Variants in MYO16 observed in about 807,000 individuals in gnomAD.
MYO16 encodes the protein unconventional myosin-XVI.
A neutral mutation model predicts 205.3 loss-of-function variants in MYO16; 94 were observed. That is an observed-to-expected ratio of 0.46 (90% CI 0.39 to 0.54). MYO16 has a LOEUF of 0.54. Ranked by LOEUF, MYO16 falls within the 20% of genes least tolerant of loss-of-function variation. The probability of loss-of-function intolerance (pLI) is 0.00; values close to 1 mark genes in which losing one functional copy is unlikely to be tolerated. For missense variants in MYO16, 2,315 were observed against 2,387.5 expected, an observed-to-expected ratio of 0.97 and a Z score of 0.63; for synonymous variants, 988 against 954.0, an observed-to-expected ratio of 1.04 and a Z score of -0.66.
intron 27 of MYO16, among the ~76,000 whole-genome samples, chr13:109,066,905 T>G (rs1887766139): frequency 6.6e-6 from 1 of 152,176 alleles, no homozygotes. Flanking sequence ...GAAAGGCAAC[T>G]TGGCTGTTTC....
intron 33 of MYO16, among the ~76,000 whole-genome samples, chr13:109,177,001 T>G (rs1432076765): frequency 1.3e-5 from 2 of 152,252 alleles, no homozygotes; most frequent in Non-Finnish European, 2.9e-5. Flanking sequence ...AAGTCTGCAG[T>G]GCTACCTATC....
chr13:109,090,590 G>A (rs544450350), intron 27 of MYO16, among the ~76,000 whole-genome samples: 11 of 152,312 alleles, frequency 7.2e-5, no homozygotes, highest in African/African-American at 2.6e-4. Context: ...GCCCTGCAGT[G>A]TGGGCGTGCG....
At chr13:108,657,501 G>A (rs56093338) in intron 1 of MYO16, among the ~76,000 whole-genome samples, 2 of 152,124 alleles carry the variant, frequency 1.3e-5, no homozygotes, top group African/African-American at 4.8e-5. Context: ...TATATATCTT[G>A]GTTGTAGGAA....
chr13:108,989,553 GT>G (rs1283383168), intron 20 of MYO16, among the ~76,000 whole-genome samples: 3 of 151,970 alleles, frequency 2.0e-5, no homozygotes, highest in African/African-American at 7.2e-5. Context: ...AATTAATTGT[GT>G]TTTTAGTGTG....
At chr13:109,044,803 C>T (rs1050713966) in intron 23 of MYO16, among the ~76,000 whole-genome samples, 1 of 152,122 alleles carries the variant, frequency 6.6e-6, no homozygotes, top group Non-Finnish European at 1.5e-5. Context: ...AATTCTCCTG[C>T]CTCAGCCTCC....
chr13:108,936,580 C>A (rs1409875906), intron 16 of MYO16, among the ~76,000 whole-genome samples: 1 of 152,006 alleles, frequency 6.6e-6, no homozygotes, highest in South Asian at 2.1e-4. Flanking sequence ...CCTTCTTTGT[C>A]CTTTTTTTAC....
At chr13:109,176,726 T>G (rs1181833734) in intron 33 of MYO16, among the ~76,000 whole-genome samples, 1 of 151,426 alleles carries the variant, frequency 6.6e-6, no homozygotes, top group Non-Finnish European at 1.5e-5. Flanking sequence ...AAAATCCCCT[T>G]CCCTCTGACT....
At chr13:109,085,584 G>A (rs973196132) in intron 27 of MYO16, among the ~76,000 whole-genome samples, 3 of 152,168 alleles carry the variant, frequency 2.0e-5, no homozygotes, top group African/African-American at 7.2e-5. Context: ...TAGGTGTGAA[G>A]GTCAAGAAAG....
intron 21 of MYO16, among the ~76,000 whole-genome samples, chr13:109,004,305 T>C (rs1340812901): frequency 1.3e-5 from 2 of 152,210 alleles, no homozygotes; most frequent in East Asian, 3.8e-4. Context: ...AGTGGTTTCA[T>C]TCCATAAGAG....
At chr13:109,165,260 G>A (rs1272801318) in intron 33 of MYO16, among the ~76,000 whole-genome samples, 3 of 152,182 alleles carry the variant, frequency 2.0e-5, no homozygotes, top group Admixed American at 1.3e-4. Flanking sequence ...TTCACTCCTT[G>A]TTGACTTTTC....
At chr13:108,516,335 C>T in the MYO16 span, among the ~76,000 whole-genome samples, 33 of 151,910 alleles carry the variant, frequency 2.2e-4, no homozygotes, top group Non-Finnish European at 4.3e-4. Context: ...TGCTTCGGCT[C>T]GCGCACGGTG....
chr13:108,814,433 T>G (rs1045719164), intron 7 of MYO16, among the ~76,000 whole-genome samples: 5 of 151,970 alleles, frequency 3.3e-5, no homozygotes, highest in African/African-American at 1.2e-4. Context: ...TTCTTTCATT[T>G]TCTTCTTTCC....
chr13:108,744,351 C>A (rs1884996428), intron 4 of MYO16, among the ~76,000 whole-genome samples: 1 of 152,186 alleles, frequency 6.6e-6, no homozygotes, highest in Non-Finnish European at 1.5e-5. Flanking sequence ...CCAAGGATTT[C>A]TCCTTATTCC....
chr13:108,879,016 G>A (rs752200191), intron 12 of MYO16, among the ~76,000 whole-genome samples: 40 of 152,194 alleles, frequency 2.6e-4, no homozygotes, highest in Non-Finnish European at 5.1e-4. Flanking sequence ...TGTAGTTTTG[G>A]TTGAGGTGTA....
intron 20 of MYO16, among the ~76,000 whole-genome samples, chr13:108,989,721 T>C (rs1052128068): frequency 2.6e-5 from 4 of 152,184 alleles, no homozygotes; most frequent in African/African-American, 9.6e-5. Flanking sequence ...TGCAAAGCTT[T>C]ATAACTAAAT....
At chr13:109,044,776 G>A (rs1305428002) in intron 23 of MYO16, among the ~76,000 whole-genome samples, 9 of 152,024 alleles carry the variant, frequency 5.9e-5, no homozygotes, top group Non-Finnish European at 8.8e-5. Flanking sequence ...TGCAGCTTCC[G>A]CCTCCCAGGT....
intron 2 of MYO16, among the ~76,000 whole-genome samples, chr13:108,675,213 A>G (rs1882149114): frequency 1.3e-5 from 2 of 152,226 alleles, no homozygotes; most frequent in Non-Finnish European, 2.9e-5. Flanking sequence ...TTCCAACTCC[A>G]CATACATACC....
the MYO16 span, among the ~76,000 whole-genome samples, chr13:108,504,711 T>G: frequency 1.3e-5 from 2 of 151,764 alleles, no homozygotes; most frequent in African/African-American, 4.8e-5. Context: ...AATTTTTGTA[T>G]TTTTAGTAGA....
At chr13:108,659,924 G>A (rs539035562) in intron 1 of MYO16, among the ~76,000 whole-genome samples, 79 of 152,168 alleles carry the variant, frequency 5.2e-4, no homozygotes, top group African/African-American at 1.5e-3. Flanking sequence ...TATAATGTAC[G>A]GTTGAAGGAT....
Sources: gnomAD v4.1 joint callset for allele counts (sites outside exome capture counted in the v4.1 genomes callset) on GRCh38, gnomAD v4.1.1 for gene constraint, MANE v1.5 for transcripts, NCBI Gene and HGNC (gene_info 2026-07-23, HGNC 2026-07-21) for gene names.